Variants in TECRL observed in about 807,000 individuals in gnomAD.
The protein encoded by TECRL is trans-2,3-enoyl-CoA reductase like, also known as trans-2,3-enoyl-CoA reductase-like.
A neutral mutation model predicts 52.8 loss-of-function variants in TECRL; 63 were observed. That is an observed-to-expected ratio of 1.19 (90% CI 0.97 to 1.47). The LOEUF (loss-of-function observed/expected upper bound fraction) is 1.47. TECRL is among the 40% of genes most tolerant of loss of function. The probability of loss-of-function intolerance (pLI) is 0.00; values close to 1 mark genes in which losing one functional copy is unlikely to be tolerated. For synonymous variants in TECRL, 164 were observed against 141.9 expected, an observed-to-expected ratio of 1.16 and a Z score of -1.10; for missense variants, 482 against 429.6, an observed-to-expected ratio of 1.12 and a Z score of -1.08.
intron 1 of TECRL, among the ~76,000 whole-genome samples, chr4:64,404,255 T>C (rs1390269989): frequency 6.7e-6 from 1 of 148,492 alleles, no homozygotes; most frequent in Admixed American, 6.8e-5. Flanking sequence ...GAAAGAGAGC[T>C]CTTGAGGTCA....
intron 5 of TECRL, among the ~76,000 whole-genome samples, chr4:64,313,985 A>G (rs1298750133): frequency 7.5e-6 from 1 of 133,052 alleles, no homozygotes; most frequent in Non-Finnish European, 1.6e-5. Context: ...TACAAAAAAA[A>G]AAAAAAAAAA....
At chr4:64,327,460 T>C (rs1718338986) in intron 3 of TECRL, among the ~76,000 whole-genome samples, 1 of 152,134 alleles carries the variant, frequency 6.6e-6, no homozygotes, top group Non-Finnish European at 1.5e-5. Flanking sequence ...TCATTTCATA[T>C]ATGTCAACAT....
chr4:64,300,146 C>A, intron 7 of TECRL, 129 bp from the exon 8 acceptor site: 1 of 539,284 alleles, frequency 1.9e-6, no homozygotes, highest in South Asian at 5.6e-5. Context: ...GTATGTAATT[C>A]ACCTTTTGGG....
chr4:64,330,687 T>C (rs755619867), intron 2 of TECRL, among the ~76,000 whole-genome samples: 2 of 151,948 alleles, frequency 1.3e-5, no homozygotes, highest in Middle Eastern at 3.4e-3. Context: ...TAGAAAGAAA[T>C]AACAAAGGTG....
chr4:64,393,274 A>G (rs1011768556), intron 1 of TECRL, among the ~76,000 whole-genome samples: 1 of 152,050 alleles, frequency 6.6e-6, no homozygotes, highest in African/African-American at 2.4e-5. Flanking sequence ...ACTTAGTTTT[A>G]CATTTTCTTA....
Position 64,305,153 on chromosome 4 carries a change from A to G in TECRL, c.730+13T>C. 6.3e-7 allele frequency: 1 copy of G among 1,596,860 alleles called. No homozygotes were observed. The highest frequency in any genetic ancestry group is 8.5e-7 in the Non-Finnish European group (1 of 1,169,914). On this transcript the variant is annotated intron_variant, in intron 7 of 11. Coordinates refer to ENST00000381210, the MANE Select transcript of TECRL (RefSeq NM_001010874.5). Reference sequence around the variant, plus strand: ...CTTTAGTATACGGTTAGTTAAGAAGAAACCCTACATACATGGTGGTGTATA... The same window carrying G: ...CTTTAGTATACGGTTAGTTAAGAAGGAACCCTACATACATGGTGGTGTATA...
chr4:64,305,468 G>C (rs1271476765), intron 6 of TECRL, among the ~76,000 whole-genome samples: 1 of 152,162 alleles, frequency 6.6e-6, no homozygotes. Flanking sequence ...GGGCTGGTTA[G>C]GCAGGCAGAG....
chr4:64,361,296 C>T (rs373345731), intron 2 of TECRL, among the ~76,000 whole-genome samples: 5 of 152,232 alleles, frequency 3.3e-5, no homozygotes, highest in South Asian at 2.1e-4. Context: ...GTGACTTATA[C>T]GCATACACAG....
chr4:64,408,165 G>A (rs1724852110), intron 1 of TECRL, among the ~76,000 whole-genome samples: 2 of 151,702 alleles, frequency 1.3e-5, no homozygotes, highest in East Asian at 1.9e-4. Context: ...TATATTATGT[G>A]CTTGGCAATT....
At chr4:64,370,490 T>G (rs932156192) in intron 2 of TECRL, among the ~76,000 whole-genome samples, 1 of 144,096 alleles carries the variant, frequency 6.9e-6, no homozygotes, top group African/African-American at 2.5e-5. Context: ...AGAAAGTTTT[T>G]TTCATATCTT....
At chr4:64,337,081 T>C (rs1577894340) in intron 2 of TECRL, among the ~76,000 whole-genome samples, 1 of 152,046 alleles carries the variant, frequency 6.6e-6, no homozygotes, top group Non-Finnish European at 1.5e-5. Flanking sequence ...TTCTGTCTCA[T>C]TGATCTGTCT....
At chr4:64,366,619 T>A (rs576696842) in intron 2 of TECRL, among the ~76,000 whole-genome samples, 1 of 152,104 alleles carries the variant, frequency 6.6e-6, no homozygotes, top group East Asian at 1.9e-4. Context: ...AATAGACATG[T>A]AAAAGATGAT....
At chr4:64,277,677 T>TATATG (rs1178694180), downstream of TECRL, 9 of 151,838 alleles carry the variant, frequency 5.9e-5, no homozygotes. Context: ...GTATATATTG[T>TATATG]CATATATGCA....
intron 1 of TECRL, among the ~76,000 whole-genome samples, chr4:64,391,634 T>C (rs1723554915): frequency 6.6e-6 from 1 of 151,916 alleles, no homozygotes; most frequent in African/African-American, 2.4e-5. Context: ...CTGCTGTCTC[T>C]ATTCTCAATA....
intron 2 of TECRL, among the ~76,000 whole-genome samples, chr4:64,359,384 C>G (rs1196075085): frequency 6.6e-6 from 1 of 151,864 alleles, no homozygotes; most frequent in African/African-American, 2.4e-5. Flanking sequence ...TGCCATTATA[C>G]TGTGGCATAT....
rs891733279 is a variant in TECRL, at chr4:64,288,459, G to A, written c.832+1251C>T. ...GCAAATTGGAGAGGTGAAAAAGCTC[G>A]ATAAGTCAGTTCCTCATAAGCTGAT... On this transcript the variant is annotated intron_variant, in intron 9 of 11. Transcript: ENST00000381210. Among the ~76,000 whole-genome samples the A allele has an allele frequency of 1.3e-4, 20 of 152,200 alleles. 1 individual carries two copies. In the South Asian group the frequency reaches 3.7e-3, roughly 28 times the overall value.
chr4:64,294,713 CAT>C (rs1171052496), intron 8 of TECRL, among the ~76,000 whole-genome samples: 1 of 152,036 alleles, frequency 6.6e-6, no homozygotes, highest in Non-Finnish European at 1.5e-5. Flanking sequence ...GTGGTAATAA[CAT>C]ATGCTCAGTT....
At chr4:64,358,690 T>A (rs2128755) in intron 2 of TECRL, among the ~76,000 whole-genome samples, 136,265 of 151,696 alleles carry the variant, frequency 0.9, 61,872 homozygotes, top group East Asian at 1. Flanking sequence ...ACTCATTGTA[T>A]TGAATCTGAT....
At chr4:64,343,650 A>T (rs544214620) in intron 2 of TECRL, among the ~76,000 whole-genome samples, 134 of 152,182 alleles carry the variant, frequency 8.8e-4, no homozygotes, top group African/African-American at 3.2e-3. Context: ...CTTTAACAAA[A>T]ATCAATTCTG....
Sources: gnomAD v4.1 joint callset for allele counts (sites outside exome capture counted in the v4.1 genomes callset) on GRCh38, gnomAD v4.1.1 for gene constraint, MANE v1.5 for transcripts, NCBI Gene and HGNC (gene_info 2026-07-23, HGNC 2026-07-21) for gene names.